The following FHIT variants were observed in gnomAD, a reference collection of about 807,000 sequenced individuals.
The protein encoded by FHIT is fragile histidine triad diadenosine triphosphatase.
Under a neutral mutation model 17.9 loss-of-function variants are expected in FHIT, and 19 were observed. The ratio of observed to expected loss-of-function variants is 1.06; its 90% CI spans 0.74 to 1.56. The LOEUF (loss-of-function observed/expected upper bound fraction) is 1.56. FHIT is among the 40% of genes most tolerant of loss of function. The pLI, the probability that FHIT is intolerant of heterozygous loss-of-function variation, is 0.00. For synonymous variants in FHIT, 81 were observed against 69.7 expected (o/e 1.16, Z -0.81); for missense variants, 248 against 189.2 (o/e 1.31, Z -1.82).
chr3:60,466,823 G>GT (rs34184253), intron 5 of FHIT, among the ~76,000 whole-genome samples: 2,455 of 135,428 alleles, frequency 0.018, 30 homozygotes, highest in Non-Finnish European at 0.028. Context: ...CTTGCCTGCA[G>GT]TTTTTTTTTT....
chr3:61,043,393 G>T (rs886562302), intron 2 of FHIT, among the ~76,000 whole-genome samples: 2 of 152,178 alleles, frequency 1.3e-5, no homozygotes, highest in African/African-American at 4.8e-5. Context: ...AGCAGTCTGA[G>T]ATCGAACTGC....
chr3:60,796,140 C>T (rs1553730236), intron 4 of FHIT, among the ~76,000 whole-genome samples: 1 of 152,122 alleles, frequency 6.6e-6, no homozygotes, highest in Non-Finnish European at 1.5e-5. Context: ...GACCAGCCCC[C>T]ATGATTCAAT....
At chr3:61,201,084 G>A (rs1010543502) in intron 1 of FHIT, among the ~76,000 whole-genome samples, 7 of 152,048 alleles carry the variant, frequency 4.6e-5, no homozygotes, top group African/African-American at 1.2e-4. Context: ...TTTCACTTAG[G>A]GATGCCTATT....
intron 6 of FHIT, 92 bp downstream of exon 6, chr3:60,013,915 T>C (rs2106696610): frequency 7.7e-7 from 1 of 1,303,730 alleles, no homozygotes; most frequent in Non-Finnish European, 1.1e-6. Context: ...AACAATCACA[T>C]CTGCCCTCCT....
At chr3:60,239,760 A>C (rs1310098808) in intron 5 of FHIT, among the ~76,000 whole-genome samples, 7 of 152,194 alleles carry the variant, frequency 4.6e-5, no homozygotes, top group Admixed American at 6.5e-5. Context: ...ATGAATAAGA[A>C]GACTAAATAC....
At chr3:60,114,035 AAATATATATATATATATATATAT>A in intron 5 of FHIT, among the ~76,000 whole-genome samples, 1 of 23,864 alleles carries the variant, frequency 4.2e-5, no homozygotes, top group African/African-American at 9.6e-5. Flanking sequence ...AAAAAAAAAA[AAATATATATATATATATATATAT>A]ATATATATAT....
At chr3:61,040,269 A>G (rs1157653261) in intron 3 of FHIT, among the ~76,000 whole-genome samples, 1 of 152,212 alleles carries the variant, frequency 6.6e-6, no homozygotes, top group Admixed American at 6.5e-5. Context: ...ACCTAAATCA[A>G]GTTTCACAGA....
chr3:60,174,997 G>C (rs1351520815), intron 5 of FHIT, among the ~76,000 whole-genome samples: 1 of 152,160 alleles, frequency 6.6e-6, no homozygotes, highest in Admixed American at 6.5e-5. Context: ...CGAAAGGATA[G>C]GGGTGGATAA....
At chr3:61,089,412 G>C (rs1366322803) in intron 2 of FHIT, among the ~76,000 whole-genome samples, 1 of 152,026 alleles carries the variant, frequency 6.6e-6, no homozygotes, top group Non-Finnish European at 1.5e-5. Flanking sequence ...TCCAGTGCCT[G>C]GCAGCTACTC....
At chr3:60,902,099 A>G (rs1706145159) in intron 3 of FHIT, among the ~76,000 whole-genome samples, 1 of 152,196 alleles carries the variant, frequency 6.6e-6, no homozygotes, top group Non-Finnish European at 1.5e-5. Context: ...GTTATATAAC[A>G]AACACCACAA....
At chr3:60,534,202 T>G (rs1426412062) in intron 5 of FHIT, among the ~76,000 whole-genome samples, 1 of 140,102 alleles carries the variant, frequency 7.1e-6, no homozygotes, top group African/African-American at 2.7e-5. Flanking sequence ...CCGAGGCGGG[T>G]GGATCATGAG....
rs371111146 is a variant in FHIT, at chr3:60,066,575, C to T, written c.104-52423G>A. 2.0e-5 allele frequency among the ~76,000 whole-genome samples: 3 copies of T among 149,636 alleles called. No homozygotes were observed. In the South Asian group the frequency reaches 6.4e-4, roughly 32 times the overall value. The stretch of plus-strand genomic sequence containing the variant: ...TAACTTCTGGTCACGTAATCATGGG[C>T]CACCTTGTACTGTTCACTGACTATT... On this transcript the variant is annotated intron_variant, in intron 5 of 9. Transcript: ENST00000492590.
chr3:60,448,022 C>A (rs2031463342), intron 5 of FHIT, among the ~76,000 whole-genome samples: 1 of 152,076 alleles, frequency 6.6e-6, no homozygotes, highest in Non-Finnish European at 1.5e-5. Context: ...CCTGTTAGAT[C>A]ATCTCATCAA....
intron 2 of FHIT, among the ~76,000 whole-genome samples, chr3:61,183,184 G>A (rs1053595582): frequency 1.3e-5 from 2 of 152,186 alleles, no homozygotes; most frequent in African/African-American, 4.8e-5. Context: ...AGCTCTCTCT[G>A]GGTATCCTTC....
At chr3:59,783,922 G>A (rs1702720806) in intron 8 of FHIT, among the ~76,000 whole-genome samples, 1 of 152,158 alleles carries the variant, frequency 6.6e-6, no homozygotes, top group South Asian at 2.1e-4. Flanking sequence ...CTGGTTTGCA[G>A]ACATTATTTC....
At chr3:59,926,923 A>C (rs1705689672) in intron 7 of FHIT, among the ~76,000 whole-genome samples, 1 of 152,202 alleles carries the variant, frequency 6.6e-6, no homozygotes. Context: ...GCAGTTCCTC[A>C]AAAAGTTGAA....
intron 3 of FHIT, among the ~76,000 whole-genome samples, chr3:60,974,368 A>G (rs964421288): frequency 2.6e-5 from 4 of 152,174 alleles, no homozygotes; most frequent in African/African-American, 7.2e-5. Context: ...TGGTTCAGAA[A>G]TGAGCATGTG....
chr3:60,784,468 T>C (rs1389681920), intron 4 of FHIT, among the ~76,000 whole-genome samples: 1 of 152,094 alleles, frequency 6.6e-6, no homozygotes, highest in Non-Finnish European at 1.5e-5. Context: ...GCTGAGTAGC[T>C]GGGACTACAG....
At chr3:60,583,971 C>G (rs1404777017) in intron 4 of FHIT, among the ~76,000 whole-genome samples, 1 of 152,074 alleles carries the variant, frequency 6.6e-6, no homozygotes, top group Admixed American at 6.6e-5. Context: ...AATCTGGAAT[C>G]TGAAAATGAT....
Sources: gnomAD v4.1 joint callset for allele counts (sites outside exome capture counted in the v4.1 genomes callset) on GRCh38, gnomAD v4.1.1 for gene constraint, MANE v1.5 for transcripts, NCBI Gene and HGNC (gene_info 2026-07-23, HGNC 2026-07-21) for gene names.